The following RANBP3 variants were observed in gnomAD, a reference collection of about 807,000 sequenced individuals.
RANBP3 encodes RAN binding protein 3.
In RANBP3, 14 loss-of-function variants were observed where a neutral mutation model predicts 77.3. That is an observed-to-expected ratio of 0.18 (90% CI 0.12 to 0.28). RANBP3 has a LOEUF of 0.28. Ranked by LOEUF, RANBP3 falls within the 10% of genes least tolerant of loss-of-function variation. The pLI, the probability that RANBP3 is intolerant of heterozygous loss-of-function variation, is 1.00. For synonymous variants in RANBP3, 315 were observed against 312.4 expected, an observed-to-expected ratio of 1.01 and a Z score of -0.09; for missense variants, 586 against 752.3, an observed-to-expected ratio of 0.78 and a Z score of 2.59.
intron 1 of RANBP3, among the ~76,000 whole-genome samples, chr19:5,963,274 G>A (rs1229281297): frequency 6.6e-6 from 1 of 152,176 alleles, no homozygotes; most frequent in South Asian, 2.1e-4. Flanking sequence ...AAACCAATAC[G>A]AGGCACAGTG....
chr19:5,923,071 A>G, intron 13 of RANBP3, 123 bp downstream of exon 13: 1 of 742,906 alleles, frequency 1.3e-6, no homozygotes, highest in African/African-American at 1.7e-5. Context: ...GCGTGGGGCC[A>G]GTGGCCCCTC....
chr19:5,917,504 G>T lies in RANBP3; in HGVS notation c.*106C>A. On this transcript the variant is annotated 3_prime_UTR_variant, in exon 17 of 17. Transcript: ENST00000340578. The stretch of plus-strand genomic sequence containing the variant: ...GACTGTGGCCGGCCCAGTGGGGTGT[G>T]TGGTTCCCGGCCCCGCACCTGGACG... 1 of 1,318,100 alleles carries T rather than the reference G, an allele frequency of 7.6e-7. No individual in the cohort carries two copies. The highest frequency in any genetic ancestry group is 1.4e-5 in the South Asian group (1 of 70,910). The allele number at this position is 1,318,100 out of a possible 1,614,324, so 81.7% of individuals were successfully genotyped here.
intron 10 of RANBP3, chr19:5,925,408 A>G: frequency 1.7e-6 from 1 of 586,678 alleles, no homozygotes; most frequent in Non-Finnish European, 3.0e-6. Flanking sequence ...ACAACCCCAC[A>G]GAACTCTGGT....
At chr19:5,930,719 C>T (rs1332489382) in intron 8 of RANBP3, among the ~76,000 whole-genome samples, 4 of 152,188 alleles carry the variant, frequency 2.6e-5, no homozygotes, top group Non-Finnish European at 4.4e-5. Flanking sequence ...CAGGTACATG[C>T]TACCATGCCT....
At chr19:5,928,944 T>G (rs777187589) in intron 8 of RANBP3, among the ~76,000 whole-genome samples, 1 of 152,206 alleles carries the variant, frequency 6.6e-6, no homozygotes, top group Non-Finnish European at 1.5e-5. Context: ...TCTGGCGATG[T>G]GTACAGTGGA....
At position 5,921,373 on chromosome 19, in the gene RANBP3, C is replaced by T. The variant is rs1312954375; in HGVS notation, c.1210-52G>A. ...AGGGACCCCAGCTGGTGTCCTGCTGCAGCCACACCCTGAGAGTCGCCCTTT... is the reference window on the plus strand; with the variant it reads ...AGGGACCCCAGCTGGTGTCCTGCTGTAGCCACACCCTGAGAGTCGCCCTTT... On this transcript the variant is annotated intron_variant, in intron 13 of 16. Coordinates refer to ENST00000340578, the MANE Select transcript of RANBP3 (RefSeq NM_007322.3). This position sits in a 1 kb window ranked among gnomAD's most constrained non-coding sequence, Gnocchi z 5.3. The T allele has an allele frequency of 6.2e-7, 1 of 1,604,290 alleles. No homozygotes were observed. The highest frequency in any genetic ancestry group is 8.5e-7 in the Non-Finnish European group (1 of 1,174,680).
At chr19:5,946,180 G>A (rs900424092) in intron 3 of RANBP3, among the ~76,000 whole-genome samples, 1 of 152,134 alleles carries the variant, frequency 6.6e-6, no homozygotes, top group Non-Finnish European at 1.5e-5. Flanking sequence ...AGCCCCTCTC[G>A]GGAGCTACCC....
intron 13 of RANBP3, 99 bp downstream of exon 13, chr19:5,923,095 G>GA: frequency 1.1e-6 from 1 of 945,874 alleles, no homozygotes; most frequent in Non-Finnish European, 1.7e-6. Flanking sequence ...CATCTCAGGG[G>GA]CAGGCCTGTG....
At chr19:5,969,478 TG>T (rs1338516454) in intron 1 of RANBP3, among the ~76,000 whole-genome samples, 2 of 152,268 alleles carry the variant, frequency 1.3e-5, no homozygotes, top group African/African-American at 4.8e-5. Flanking sequence ...AGGCAAGGCC[TG>T]CCTTCTAAAC....
At chr19:5,947,319 A>G (rs961925651) in intron 3 of RANBP3, among the ~76,000 whole-genome samples, 1 of 151,584 alleles carries the variant, frequency 6.6e-6, no homozygotes, top group African/African-American at 2.4e-5. Context: ...GTCTCAAAAA[A>G]AAAAAAAAAG....
chr19:5,931,567 C>G lies in RANBP3; in HGVS notation c.566-36G>C, dbSNP rs184412796. The G allele has an allele frequency of 1.0e-4, 162 of 1,579,708 alleles. No homozygotes were observed. In the African/African-American group the frequency reaches 2.1e-3, roughly 21 times the overall value. Reference sequence around the variant, plus strand: ...GAAGGAGAGTGGGGAATCACAGGTGCTTGGCGGCCCTCCCACCCCCACTCA... The same window carrying G: ...GAAGGAGAGTGGGGAATCACAGGTGGTTGGCGGCCCTCCCACCCCCACTCA... On this transcript the variant is annotated intron_variant, in intron 7 of 16. Transcript: ENST00000340578.
intron 9 of RANBP3, 167 bp from the exon 10 acceptor site, chr19:5,925,904 T>C: frequency 1.6e-6 from 1 of 608,932 alleles, no homozygotes; most frequent in South Asian, 1.9e-5. Flanking sequence ...GGCAGGGCTA[T>C]AATCAACTCC....
chr19:5,970,756 T>G (rs1054618608), intron 1 of RANBP3, among the ~76,000 whole-genome samples: 3 of 152,178 alleles, frequency 2.0e-5, no homozygotes, highest in African/African-American at 7.2e-5. Flanking sequence ...ATCTCCACAT[T>G]CCAGTAGGTC....
In RANBP3 at chr19:5,933,551, G is replaced by A. The variant is rs2058024524; in HGVS notation, c.407-72C>T. ...GGCTGGGCCTGGGGGGCAAGGGCAG[G>A]AGAGGACTATGGTCTTGGCCTCAGT... On this transcript the variant is annotated intron_variant, in intron 5 of 16. Coordinates refer to ENST00000340578, the MANE Select transcript of RANBP3 (RefSeq NM_007322.3). The A allele has an allele frequency of 3.8e-6, 5 of 1,311,886 alleles. No individual in the cohort carries two copies. In the South Asian group the frequency reaches 6.1e-5, roughly 16 times the overall value. 81.3% of individuals were successfully genotyped at this position (1,311,886 alleles called of 1,614,324 possible).
At chr19:5,934,672 A>C (rs1404664027) in intron 5 of RANBP3, among the ~76,000 whole-genome samples, 1 of 152,148 alleles carries the variant, frequency 6.6e-6, no homozygotes, top group East Asian at 1.9e-4. Flanking sequence ...TAACTCTACA[A>C]AAAATTAAAA....
intron 16 of RANBP3, 45 bp from the exon 17 acceptor site, chr19:5,917,698 C>A: frequency 6.3e-7 from 1 of 1,596,318 alleles, no homozygotes; most frequent in East Asian, 2.3e-5. Flanking sequence ...GCCCGCACTT[C>A]CCAGGTCTGG....
At chr19:5,941,130 G>C (rs912839583) in intron 5 of RANBP3, among the ~76,000 whole-genome samples, 6 of 152,218 alleles carry the variant, frequency 3.9e-5, no homozygotes, top group African/African-American at 1.4e-4. Context: ...ACGGGCCTCT[G>C]CTGGGGCCTC....
At chr19:5,919,235 G>C (rs2057786068) in intron 14 of RANBP3, among the ~76,000 whole-genome samples, 1 of 152,212 alleles carries the variant, frequency 6.6e-6, no homozygotes, top group South Asian at 2.1e-4. Context: ...AAAATGGGAG[G>C]GCCCTGACTC....
chr19:5,973,979 C>T (rs892279253), intron 1 of RANBP3, among the ~76,000 whole-genome samples: 1 of 152,164 alleles, frequency 6.6e-6, no homozygotes, highest in African/African-American at 2.4e-5. Flanking sequence ...GCCTGTGTCC[C>T]CACCATCGAT....
Sources: gnomAD v4.1 joint callset for allele counts (sites outside exome capture counted in the v4.1 genomes callset) on GRCh38, gnomAD v4.1.1 for gene constraint, Gnocchi (gnomAD v3.1) non-coding constraint, MANE v1.5 for transcripts, NCBI Gene and HGNC (gene_info 2026-07-23, HGNC 2026-07-21) for gene names.